The following EGFR variants were observed in gnomAD, a reference collection of about 807,000 sequenced individuals.
EGFR encodes the protein avian erythroblastic leukemia viral (v-erb-b) oncogene homolog.
Under a neutral mutation model 143.0 loss-of-function variants are expected in EGFR, and 58 were observed. The ratio of observed to expected loss-of-function variants is 0.41; its 90% confidence interval spans 0.33 to 0.50. The LOEUF is 0.50. Ranked by LOEUF, EGFR falls within the 20% of genes least tolerant of loss-of-function variation. The pLI, the probability that EGFR is intolerant of heterozygous loss-of-function variation, is 0.39. For missense variants in EGFR, 1,307 were observed against 1,579.0 expected, an observed-to-expected ratio of 0.83 and a Z score of 2.92; for synonymous variants, 613 against 594.4, an observed-to-expected ratio of 1.03 and a Z score of -0.45.
At chr7:55,049,076 T>A (rs1021548913) in intron 1 of EGFR, among the ~76,000 whole-genome samples, 8 of 152,148 alleles carry the variant, frequency 5.3e-5, no homozygotes, top group Non-Finnish European at 8.8e-5. Context: ...AAACGCACAT[T>A]TAGTATGCAT....
At chr7:55,139,643 C>T (rs1794346387) in intron 1 of EGFR, among the ~76,000 whole-genome samples, 1 of 152,150 alleles carries the variant, frequency 6.6e-6, no homozygotes, top group African/African-American at 2.4e-5. Context: ...ATATCAACTG[C>T]CTTCTTATTC....
At chr7:55,140,053 G>A (rs1354614488) in intron 1 of EGFR, among the ~76,000 whole-genome samples, 1 of 151,216 alleles carries the variant, frequency 6.6e-6, no homozygotes. Flanking sequence ...GGGCTTTTGG[G>A]GGGTCATTTG....
rs1315188172 is a variant in EGFR, at chr7:55,146,457, C to T, written c.425-149C>T. The T allele has an allele frequency of 3.2e-6, 4 of 1,251,446 alleles. No individual in the cohort carries two copies. The East Asian group carries it at 1.0e-4, about 32-fold the overall frequency. 77.5% of individuals were successfully genotyped at this position (1,251,446 alleles called of 1,614,324 possible). A position where few individuals can be genotyped will look rare whatever the true frequency, so the allele number is the denominator to read the frequency against. Reference sequence around the variant, plus strand: ...TCATTAACAATTTTATCTGGCCGCCCCCCGGGAAGTTCACTGGGCTAATTG... The same window carrying T: ...TCATTAACAATTTTATCTGGCCGCCTCCCGGGAAGTTCACTGGGCTAATTG... On this transcript the variant is annotated intron_variant, in intron 3 of 27. Transcript: ENST00000275493.
Position 55,181,400 on chromosome 7 carries a change from C to T in EGFR, c.2391C>T (p.Cys797=), listed in dbSNP as rs1562790774. 1 of 1,614,110 alleles carries T rather than the reference C, an allele frequency of 6.2e-7. No homozygotes were observed. Among genetic ancestry groups the T allele is most frequent in the Non-Finnish European group, 8.5e-7 (1 of 1,180,046 alleles). ...QLITQLMPFG[C]LLDYVREHKD... ...TCACGCAGCTCATGCCCTTCGGCTG[C>T]CTCCTGGACTATGTCCGGGAACACA... is the stretch of plus-strand genomic sequence containing the variant. The change falls in exon 20 of 28, where the codon TGC becomes TGT. Residue 797 remains cysteine (C), a synonymous_variant. Transcript: ENST00000275493.
In EGFR at chr7:55,171,232, G is replaced by A. The variant is rs913423334; in HGVS notation, c.1919+19G>A. ...CGAATGGGTAAGTGTTCACAGCTCT[G>A]TGTCACATGGACCTCGTCAAGAATG... On this transcript the variant is annotated intron_variant, in intron 16 of 27. Coordinates refer to ENST00000275493, the MANE Select transcript of EGFR (RefSeq NM_005228.5). 1.9e-6 allele frequency: 3 copies of A among 1,614,184 alleles called. No individual in the cohort carries two copies. The African/African-American group carries it at 4.0e-5, about 22-fold the overall frequency.
At chr7:55,066,824 T>C (rs1437145010) in intron 1 of EGFR, among the ~76,000 whole-genome samples, 1 of 152,196 alleles carries the variant, frequency 6.6e-6, no homozygotes, top group African/African-American at 2.4e-5. Context: ...ACAAAGTCTT[T>C]GATGTGTGCA....
chr7:55,051,887 C>T (rs773852918), intron 1 of EGFR, among the ~76,000 whole-genome samples: 26 of 152,218 alleles, frequency 1.7e-4, no homozygotes, highest in East Asian at 5.8e-4. Context: ...AAACTCCCCC[C>T]ACAAATCTTT....
intron 1 of EGFR, chr7:55,109,850 G>A (rs1191744973): frequency 1.1e-5 from 11 of 985,358 alleles, no homozygotes; most frequent in Non-Finnish European, 1.2e-5. Flanking sequence ...GTTCTCCACT[G>A]GACTTCAGAA....
chr7:55,138,449 T>C (rs144379963), intron 1 of EGFR, among the ~76,000 whole-genome samples: 162 of 152,340 alleles, frequency 1.1e-3, no homozygotes, highest in African/African-American at 3.0e-3. Flanking sequence ...TTTTATGTAA[T>C]CCTTAAAGTA....
At chr7:55,054,510 G>A (rs995393622) in intron 1 of EGFR, among the ~76,000 whole-genome samples, 14 of 152,196 alleles carry the variant, frequency 9.2e-5, no homozygotes, top group African/African-American at 2.7e-4. Context: ...TTCCTGGCGC[G>A]CCCGCGGGGC....
chr7:55,150,681 C>T (rs1384040488), intron 4 of EGFR, among the ~76,000 whole-genome samples: 1 of 152,148 alleles, frequency 6.6e-6, no homozygotes, highest in East Asian at 1.9e-4. Flanking sequence ...ACAGGAAAAC[C>T]TTTGCAGCTA....
chr7:55,102,647 C>T (rs183460421), intron 1 of EGFR, among the ~76,000 whole-genome samples: 2 of 152,196 alleles, frequency 1.3e-5, no homozygotes, highest in East Asian at 1.9e-4. Context: ...CGTCAAAATG[C>T]TTTTTGGAAA....
intron 1 of EGFR, among the ~76,000 whole-genome samples, chr7:55,081,716 A>G (rs1583990886): frequency 7.6e-6 from 1 of 131,474 alleles, no homozygotes; most frequent in Non-Finnish European, 1.7e-5. Flanking sequence ...ATTGTTTTAG[A>G]CTGGTTTTTT....
Position 55,053,955 on chromosome 7 carries a change from G to A in EGFR, c.88+34590G>A, listed in dbSNP as rs141390393. Among the ~76,000 whole-genome samples the A allele has an allele frequency of 2.1e-3, 319 of 152,344 alleles. 1 individual carries two copies. Among genetic ancestry groups the A allele is most frequent in the Non-Finnish European group, 3.7e-3 (250 of 68,028 alleles). On this transcript the variant is annotated intron_variant, in intron 1 of 27. Transcript: ENST00000275493. ...GACAGTGATGATTTCTTCAGTCTCT[G>A]AGGAAGAGTTTTCATTTTCCCCAAT...
At chr7:55,099,616 C>T (rs1791683641) in intron 1 of EGFR, among the ~76,000 whole-genome samples, 1 of 152,216 alleles carries the variant, frequency 6.6e-6, no homozygotes, top group African/African-American at 2.4e-5. Flanking sequence ...CCAGAGCCAC[C>T]ATTGTCAGAG....
chr7:55,182,244 A>T (rs1786916561), intron 20 of EGFR: 1 of 152,600 alleles, frequency 6.6e-6, no homozygotes, highest in Admixed American at 6.5e-5. Flanking sequence ...ATTGACTTTA[A>T]AGGATTTGCA....
At chr7:55,036,276 G>GT (rs1562657086) in intron 1 of EGFR, among the ~76,000 whole-genome samples, 1 of 97,112 alleles carries the variant, frequency 1.0e-5, no homozygotes, top group Non-Finnish European at 2.2e-5. Context: ...GTGTGTGGGG[G>GT]GGGGGGGGTG....
chr7:55,122,807 G>A (rs1793288740), intron 1 of EGFR, among the ~76,000 whole-genome samples: 1 of 152,234 alleles, frequency 6.6e-6, no homozygotes, highest in Non-Finnish European at 1.5e-5. Context: ...TTCTTTTCCA[G>A]CATGTCTCAT....
intron 1 of EGFR, among the ~76,000 whole-genome samples, chr7:55,107,599 C>T (rs189369185): frequency 1.4e-4 from 21 of 152,306 alleles, no homozygotes; most frequent in Non-Finnish European, 2.5e-4. Context: ...TCTTGCATGT[C>T]CCAAGCACTG....
Sources: gnomAD v4.1 joint callset for allele counts (sites outside exome capture counted in the v4.1 genomes callset) on GRCh38, gnomAD v4.1.1 for gene constraint, MANE v1.5 for transcripts, NCBI Gene and HGNC (gene_info 2026-07-23, HGNC 2026-07-21) for gene names.